MASP1: variants seen among roughly 807,000 people sequenced by gnomAD.
MASP1 encodes the protein MBL associated serine protease 1.
In MASP1, 59 loss-of-function variants were observed where a neutral mutation model predicts 77.1. The ratio of observed to expected loss-of-function variants is 0.77; its 90% CI spans 0.62 to 0.95. The LOEUF (loss-of-function observed/expected upper bound fraction) is 0.95, where lower values mean the gene tolerates loss of function less well. Among genes scored for constraint, MASP1 ranks in the 40% least tolerant of loss-of-function variants. MASP1 has a pLI of 0.00. For missense variants in MASP1, 885 were observed against 912.9 expected (o/e 0.97, Z 0.39); for synonymous variants, 362 against 354.5 (o/e 1.02, Z -0.24).
chr3:187,277,218 C>T (rs1382887962), intron 2 of MASP1, among the ~76,000 whole-genome samples: 1 of 152,146 alleles, frequency 6.6e-6, no homozygotes, highest in South Asian at 2.1e-4. Context: ...TAGGCCAGAG[C>T]CCTTTCCACT....
chr3:187,291,703 C>T lies in MASP1; in HGVS notation c.-71G>A, dbSNP rs200796563. On this transcript the variant is annotated 5_prime_UTR_variant, in exon 1 of 11. Transcript: ENST00000296280. ...GCTTGACTTGCCTGTGAGCTCGTGC[C>T]CGGTGTGGTGTCCGTGATGCCTTAT... is the stretch of plus-strand genomic sequence containing the variant. The T allele has an allele frequency of 5.0e-6, 8 of 1,592,046 alleles. No individual in the cohort carries two copies. The highest frequency in any genetic ancestry group is 6.9e-6 in the Non-Finnish European group (8 of 1,159,964).
chr3:187,247,216 C>G lies in MASP1; in HGVS notation c.1090+3035G>C, dbSNP rs1714159929. 2.3e-5 allele frequency: 37 copies of G among 1,588,808 alleles called. No individual in the cohort carries two copies. In the South Asian group the frequency reaches 4.2e-4, roughly 18 times the overall value. ...CATGTTGTTCAGCACCCATTCTAAT[C>G]CACATGGAAAGGGGCACGGGGGTGT... is the stretch of plus-strand genomic sequence containing the variant. On this transcript the variant is annotated intron_variant, in intron 8 of 10. Transcript: ENST00000296280.
chr3:187,282,739 C>A (rs533529674), intron 2 of MASP1, among the ~76,000 whole-genome samples: 1 of 152,130 alleles, frequency 6.6e-6, no homozygotes, highest in Non-Finnish European at 1.5e-5. Flanking sequence ...TGCTGGTGCC[C>A]CACGGCTGTT....
chr3:187,236,023 G>T lies in MASP1; in HGVS notation c.1848C>A (p.Val616=). ...ISSGTRTLSD[V]LQYVKLPVVP... ...CCACGGGTAACTTGACATACTGCAG[G>T]ACATCTGACAAGGTCCGTGTGCCAC... The change falls in exon 11 of 11, where the codon GTC becomes GTA. Residue 616 remains valine, a synonymous_variant. Transcript: ENST00000296280. The T allele has an allele frequency of 6.2e-7, 1 of 1,614,194 alleles. No individual in the cohort carries two copies.
At chr3:187,281,580 T>C (rs1352189056) in intron 2 of MASP1, among the ~76,000 whole-genome samples, 1 of 152,220 alleles carries the variant, frequency 6.6e-6, no homozygotes, top group Non-Finnish European at 1.5e-5. Flanking sequence ...CACCAAGGCA[T>C]CCCCAGCAGG....
At chr3:187,223,318 G>C (rs1712180757) in intron 13 of MASP1, 1 of 824,704 alleles carries the variant, frequency 1.2e-6, no homozygotes, top group Admixed American at 2.0e-5. Flanking sequence ...TCAGAGAAAG[G>C]TGGTGTGGTG....
At chr3:187,271,017 A>T (rs1272753443) in intron 2 of MASP1, among the ~76,000 whole-genome samples, 1 of 152,242 alleles carries the variant, frequency 6.6e-6, no homozygotes, top group Non-Finnish European at 1.5e-5. Context: ...GGAGTGGTTT[A>T]TCACACAGCA....
At position 187,256,894 on chromosome 3, in the gene MASP1, G is replaced by A. The variant is rs367977024; in HGVS notation, c.548-34C>T. The A allele has an allele frequency of 1.4e-4, 216 of 1,580,726 alleles. 3 individuals are homozygous for A. In the South Asian group the frequency reaches 1.6e-3, roughly 12 times the overall value. The stretch of plus-strand genomic sequence containing the variant: ...AACATAATAGAGAAAATGGCGCATC[G>A]CAACCACAGCCATAGCAAGCCTGGC... On this transcript the variant is annotated intron_variant, in intron 4 of 10. Coordinates refer to ENST00000296280, the MANE Select transcript of MASP1 (RefSeq NM_139125.4).
chr3:187,256,658 G>A lies in MASP1; in HGVS notation c.744+6C>T, dbSNP rs368960587. The A allele has an allele frequency of 6.2e-6, 10 of 1,613,534 alleles. No individual in the cohort carries two copies. The African/African-American group carries it at 8.0e-5, about 13-fold the overall frequency. ...TCTCCAGGACAAGTGTTCATTGCAG[G>A]CTCACCTTGATGTAGTCATAGGGGC... is the stretch of plus-strand genomic sequence containing the variant. On this transcript the variant is annotated splice_donor_region_variant and intron_variant, in intron 5 of 10. Coordinates refer to ENST00000296280, the MANE Select transcript of MASP1 (RefSeq NM_139125.4).
intron 2 of MASP1, among the ~76,000 whole-genome samples, chr3:187,280,941 G>T (rs1364275650): frequency 3.9e-5 from 6 of 152,158 alleles, no homozygotes; most frequent in Admixed American, 2.0e-4. Flanking sequence ...AGACCATCTG[G>T]TTTAACCGTT....
chr3:187,217,466 AC>A (rs1393194399), exon 16 of MASP1: 8 of 152,178 alleles, frequency 5.3e-5, no homozygotes, highest in Non-Finnish European at 1.0e-4. Context: ...CAAAGAGGAG[AC>A]CTTTTAAAGA....
intron 2 of MASP1, among the ~76,000 whole-genome samples, chr3:187,284,328 C>T (rs1350983942): frequency 6.6e-6 from 1 of 152,138 alleles, no homozygotes; most frequent in East Asian, 1.9e-4. Context: ...AACATCTGGA[C>T]ACATTTATGA....
intron 3 of MASP1, among the ~76,000 whole-genome samples, 173 bp downstream of exon 3, chr3:187,262,370 A>G (rs1018694423): frequency 6.6e-6 from 1 of 152,198 alleles, no homozygotes; most frequent in Non-Finnish European, 1.5e-5. Flanking sequence ...TGCTGGATGG[A>G]TAGAGGGTAG....
intron 10 of MASP1, among the ~76,000 whole-genome samples, chr3:187,240,488 A>C (rs1320285595): frequency 6.6e-6 from 1 of 152,172 alleles, no homozygotes; most frequent in Non-Finnish European, 1.5e-5. Context: ...TTTTAAAAAA[A>C]ATGTAAATTA....
intron 10 of MASP1, among the ~76,000 whole-genome samples, chr3:187,238,847 C>T (rs1713387601): frequency 6.6e-6 from 1 of 152,144 alleles, no homozygotes; most frequent in Admixed American, 6.5e-5. Context: ...AATGGTGGGC[C>T]TTTTGACAAT....
intron 2 of MASP1, among the ~76,000 whole-genome samples, chr3:187,273,481 G>T (rs1716694800): frequency 1.3e-5 from 2 of 152,172 alleles, no homozygotes; most frequent in Non-Finnish European, 2.9e-5. Context: ...TCTTTACTTT[G>T]CTGTGCTTCA....
chr3:187,279,663 A>T (rs1385379734), intron 2 of MASP1, among the ~76,000 whole-genome samples: 1 of 152,236 alleles, frequency 6.6e-6, no homozygotes, highest in Non-Finnish European at 1.5e-5. Context: ...AACTCTGATT[A>T]TTCTCAGTTT....
intron 11 of MASP1, among the ~76,000 whole-genome samples, chr3:187,226,988 CAAGACTCTCCAGT>C (rs1300020690): frequency 6.6e-6 from 1 of 152,208 alleles, no homozygotes; most frequent in African/African-American, 2.4e-5. Flanking sequence ...TTCATTTTAA[CAAGACTCTCCAGT>C]AATTTGTATG....
At chr3:187,254,401 T>TA (rs1443319733) in intron 5 of MASP1, among the ~76,000 whole-genome samples, 1 of 152,010 alleles carries the variant, frequency 6.6e-6, no homozygotes, top group African/African-American at 2.4e-5. Context: ...GAACACTTTA[T>TA]AGGGAGAGAA....
Sources: gnomAD v4.1 joint callset for allele counts (sites outside exome capture counted in the v4.1 genomes callset) on GRCh38, gnomAD v4.1.1 for gene constraint, MANE v1.5 for transcripts, NCBI Gene and HGNC (gene_info 2026-07-23, HGNC 2026-07-21) for gene names.